ACOT1: variants seen among roughly 807,000 people sequenced by gnomAD.
The protein encoded by ACOT1 is acyl-coenzyme A thioesterase 1.
Under a neutral mutation model 15.7 loss-of-function variants are expected in ACOT1, and 8 were observed. The observed-to-expected ratio is 0.51, with a 90% CI of 0.30 to 0.92. The LOEUF (loss-of-function observed/expected upper bound fraction) is 0.92. ACOT1 is among the 40% of genes least tolerant of loss of function. The pLI, the probability that ACOT1 is intolerant of heterozygous loss-of-function variation, is 0.06. For missense variants in ACOT1, 151 were observed against 539.4 expected (o/e 0.28, Z 7.13); for synonymous variants, 67 against 241.2 (o/e 0.28, Z 6.69).
chr14:73,511,592 T>C, the ACOT1 span, among the ~76,000 whole-genome samples: 2,847 of 151,568 alleles, frequency 0.019, 106 homozygotes, highest in African/African-American at 0.065. Context: ...AATGGGCTCT[T>C]GGCTGGGCAC....
At chr14:73,523,256 C>A in the ACOT1 span, 990 of 1,165,780 alleles carry the variant, frequency 8.5e-4, 9 homozygotes, top group African/African-American at 0.014. Context: ...CTGATGAGAA[C>A]TCTAGAGCAG....
At chr14:73,520,933 T>A in the ACOT1 span, 2 of 1,613,834 alleles carry the variant, frequency 1.2e-6, no homozygotes, top group Admixed American at 1.7e-5. Context: ...CGAAAGTAGC[T>A]CTGGGTTTGG....
chr14:73,513,222 G>T, the ACOT1 span, among the ~76,000 whole-genome samples: 1 of 152,214 alleles, frequency 6.6e-6, no homozygotes, highest in Non-Finnish European at 1.5e-5. Flanking sequence ...ACTTTGGGAG[G>T]CCAAGGCGGG....
At chr14:73,513,977 G>A in the ACOT1 span, 5 of 1,542,884 alleles carry the variant, frequency 3.2e-6, no homozygotes, top group Admixed American at 8.4e-5. Flanking sequence ...CCTAGTCCCA[G>A]ATGAGAACCA....
the ACOT1 span, among the ~76,000 whole-genome samples, chr14:73,494,960 T>C: frequency 7.2e-5 from 11 of 152,234 alleles, no homozygotes; most frequent in Non-Finnish European, 1.5e-4. Context: ...TGTGTTTTTC[T>C]GATATGTCCT....
chr14:73,506,406 A>T, the ACOT1 span: 1 of 1,165,954 alleles, frequency 8.6e-7, no homozygotes, highest in Non-Finnish European at 1.3e-6. Context: ...AAAAAGTAGA[A>T]GGCCTCTGTA....
At chr14:73,524,003 G>A in the ACOT1 span, among the ~76,000 whole-genome samples, 1 of 151,918 alleles carries the variant, frequency 6.6e-6, no homozygotes, top group African/African-American at 2.4e-5. Flanking sequence ...ATATTTAATA[G>A]CTGTAGGCCG....
At chr14:73,500,589 G>A in the ACOT1 span, 1 of 1,613,914 alleles carries the variant, frequency 6.2e-7, no homozygotes, top group Non-Finnish European at 8.5e-7. Context: ...CTGCCAAACA[G>A]GCTGCCCGCC....
At chr14:73,521,958 C>T in the ACOT1 span, among the ~76,000 whole-genome samples, 5 of 152,222 alleles carry the variant, frequency 3.3e-5, no homozygotes, top group Non-Finnish European at 7.3e-5. Flanking sequence ...CTCTTGGAGA[C>T]ATCTGGCAGT....
At chr14:73,491,838 C>T in the ACOT1 span, 3 of 1,609,022 alleles carry the variant, frequency 1.9e-6, no homozygotes, top group South Asian at 3.3e-5. Flanking sequence ...CGACGCGAGA[C>T]CCTGAACCCA....
chr14:73,501,012 G>A, the ACOT1 span, among the ~76,000 whole-genome samples: 3 of 152,368 alleles, frequency 2.0e-5, no homozygotes, highest in African/African-American at 7.2e-5. Context: ...TCACAGTCAA[G>A]TTCTCTTCTC....
chr14:73,501,455 A>G, the ACOT1 span, among the ~76,000 whole-genome samples: 2 of 144,930 alleles, frequency 1.4e-5, no homozygotes, highest in African/African-American at 5.2e-5. Flanking sequence ...GGGTCTTGCT[A>G]TGTTGCCCAG....
chr14:73,518,394 ACT>A, the ACOT1 span, among the ~76,000 whole-genome samples: 3 of 150,294 alleles, frequency 2.0e-5, no homozygotes, highest in Admixed American at 1.3e-4. Context: ...ACAGAGCAAG[ACT>A]CTGTCTCCAA....
At chr14:73,492,837 G>A in the ACOT1 span, 1 of 1,613,944 alleles carries the variant, frequency 6.2e-7, no homozygotes, top group African/African-American at 1.3e-5. The surrounding 1 kb of genome is among the most constrained non-coding windows in gnomAD (Gnocchi z 4.9). Flanking sequence ...GAGTTTGTGA[G>A]AGTGGGGGAC....
At chr14:73,504,984 T>C in the ACOT1 span, among the ~76,000 whole-genome samples, 1 of 151,718 alleles carries the variant, frequency 6.6e-6, no homozygotes, top group Non-Finnish European at 1.5e-5. Flanking sequence ...CAGGCTGGAG[T>C]GCAGTGGCAC....
the ACOT1 span, among the ~76,000 whole-genome samples, chr14:73,516,569 G>A: frequency 6.6e-6 from 1 of 151,496 alleles, no homozygotes; most frequent in Non-Finnish European, 1.5e-5. Flanking sequence ...AGTCCTTTGG[G>A]TTATAGCTGG....
At chr14:73,491,404 C>G in the ACOT1 span, 1 of 1,346,012 alleles carries the variant, frequency 7.4e-7, no homozygotes, top group South Asian at 2.0e-5. Context: ...CCGCGCCGCC[C>G]GCGCGCCTGG....
At chr14:73,506,715 A>G in the ACOT1 span, 3 of 537,200 alleles carry the variant, frequency 5.6e-6, no homozygotes, top group South Asian at 8.2e-5. Flanking sequence ...CATCACAGCC[A>G]ACTGACTCTG....
chr14:73,522,964 A>T, the ACOT1 span: 4 of 1,614,094 alleles, frequency 2.5e-6, no homozygotes, highest in Non-Finnish European at 2.5e-6. Context: ...CCATTTTCAA[A>T]TATTGGCTCT....
Sources: gnomAD v4.1 joint callset for allele counts (sites outside exome capture counted in the v4.1 genomes callset) on GRCh38, gnomAD v4.1.1 for gene constraint, Gnocchi (gnomAD v3.1) non-coding constraint, MANE v1.5 for transcripts, NCBI Gene and HGNC (gene_info 2026-07-23, HGNC 2026-07-21) for gene names.